DYNC2I1: variants seen among roughly 807,000 people sequenced by gnomAD.
The protein encoded by DYNC2I1 is dynein 2 intermediate chain 1, also known as cytoplasmic dynein 2 intermediate chain 1.
Under a neutral mutation model 133.4 loss-of-function variants are expected in DYNC2I1, and 89 were observed. The observed-to-expected ratio is 0.67, with a 90% CI of 0.56 to 0.80. The LOEUF (loss-of-function observed/expected upper bound fraction) is 0.80. Ranked by LOEUF, DYNC2I1 falls within the 30% of genes least tolerant of loss-of-function variation. The pLI is 0.00. For synonymous variants in DYNC2I1, 504 were observed against 484.3 expected (o/e 1.04, Z -0.54); for missense variants, 1,291 against 1,314.5 (o/e 0.98, Z 0.28).
At chr7:158,912,186 T>A (rs753246855) in intron 12 of DYNC2I1, among the ~76,000 whole-genome samples, 1 of 152,208 alleles carries the variant, frequency 6.6e-6, no homozygotes, top group Non-Finnish European at 1.5e-5. Context: ...TTTCTCCTAT[T>A]CCAGAGTTCC....
intron 3 of DYNC2I1, among the ~76,000 whole-genome samples, chr7:158,876,387 A>T (rs1214140928): frequency 6.6e-6 from 1 of 152,214 alleles, no homozygotes; most frequent in Non-Finnish European, 1.5e-5. Flanking sequence ...CACAGATCCA[A>T]ACCATATCAC....
At position 158,906,003 on chromosome 7, in the gene DYNC2I1, C is replaced by T; in HGVS notation, c.1372C>T (p.Pro458Ser). 1 of 1,613,688 alleles carries T rather than the reference C, an allele frequency of 6.2e-7. No homozygotes were observed. Among genetic ancestry groups the T allele is most frequent in the Non-Finnish European group, 8.5e-7 (1 of 1,179,736 alleles). The change falls in exon 11 of 25, where the codon CCT (proline) becomes TCT (serine). Residue 458 changes from proline (P) to serine (S), a missense_variant. By Grantham distance (74) the Pro-to-Ser change is moderately conservative. Coordinates refer to ENST00000407559, the MANE Select transcript of DYNC2I1 (RefSeq NM_018051.5). ...CCCTCACACAGATACAAACAGTTCC[C>T]CTTCCAGAGCCTCTGTTTGTGGAAT... is the stretch of plus-strand genomic sequence containing the variant. ...KEPRTDTNSS[P>S]SRASVCGIFV...
At chr7:158,891,516 C>G (rs185574566) in intron 8 of DYNC2I1, among the ~76,000 whole-genome samples, 183 bp downstream of exon 8, 1 of 152,252 alleles carries the variant, frequency 6.6e-6, no homozygotes, top group East Asian at 1.9e-4. Flanking sequence ...TGTTTGAAGT[C>G]CTCGGTCATG....
Position 158,918,868 on chromosome 7 carries a change from A to G in DYNC2I1, c.1920A>G (p.Gln640=). Residue 640 remains glutamine, a splice_region_variant and synonymous_variant, in exon 15 of 25, where the codon CAA becomes CAG. Transcript: ENST00000407559. ...SQLNTSLPFL[Q]NRKVSSLHTS... is the part of the protein sequence containing the mutation. ...TGAACACCAGTCTACCATTCCTTCA[A>G]AGTAAGAGGCTGTTCTCAAATATGA... 6.2e-7 allele frequency: 1 copy of G among 1,612,262 alleles called. No individual in the cohort carries two copies. The highest frequency in any genetic ancestry group is 1.1e-5 in the South Asian group (1 of 90,958).
At chr7:158,918,944 A>G in intron 15 of DYNC2I1, 75 bp downstream of exon 15, 1 of 1,446,986 alleles carries the variant, frequency 6.9e-7, no homozygotes, top group Non-Finnish European at 9.3e-7. Flanking sequence ...TCTGTAGTAT[A>G]ATATTTTATT....
chr7:158,905,038 A>G (rs973242200), intron 10 of DYNC2I1: 7 of 377,122 alleles, frequency 1.9e-5, no homozygotes, highest in African/African-American at 1.3e-4. Flanking sequence ...AGTATGTACA[A>G]GAAGCCACCG....
At chr7:158,935,538 G>T (rs545311061) in intron 23 of DYNC2I1, among the ~76,000 whole-genome samples, 2 of 152,274 alleles carry the variant, frequency 1.3e-5, no homozygotes, top group South Asian at 2.1e-4. Context: ...TACTCTTATA[G>T]TACTTAAAAC....
the DYNC2I1 span, among the ~76,000 whole-genome samples, chr7:158,840,816 C>T: frequency 4.4e-4 from 67 of 151,990 alleles, no homozygotes; most frequent in African/African-American, 1.5e-3. Flanking sequence ...TGCTCCAGGA[C>T]GACAAGAGCC....
At chr7:158,868,146 G>A (rs1362131681) in intron 1 of DYNC2I1, among the ~76,000 whole-genome samples, 1 of 152,158 alleles carries the variant, frequency 6.6e-6, no homozygotes, top group East Asian at 1.9e-4. Flanking sequence ...TTCGAGGAAG[G>A]GGAATCAGCT....
chr7:158,891,474 T>G (rs767642164), intron 8 of DYNC2I1, 141 bp downstream of exon 8: 89 of 919,178 alleles, frequency 9.7e-5, no homozygotes, highest in Non-Finnish European at 1.5e-4. Flanking sequence ...AAGGGACAGA[T>G]GAGATTTTCA....
upstream of DYNC2I1, among the ~76,000 whole-genome samples, chr7:158,854,473 G>A (rs1841121223): frequency 1.4e-5 from 2 of 144,408 alleles, no homozygotes. Flanking sequence ...GACACAGGGA[G>A]AGGAACATCA....
intron 8 of DYNC2I1, among the ~76,000 whole-genome samples, chr7:158,900,941 C>T (rs986513114): frequency 6.6e-6 from 1 of 151,914 alleles, no homozygotes; most frequent in South Asian, 2.1e-4. Context: ...TTAGACTTTC[C>T]ATCTCTCTGC....
chr7:158,878,425 G>A (rs112459085), intron 4 of DYNC2I1, among the ~76,000 whole-genome samples: 9,416 of 95,864 alleles, frequency 0.098, 982 homozygotes, highest in African/African-American at 0.12. Context: ...AGGGCCGACT[G>A]TGAGTGCCGG....
intron 5 of DYNC2I1, among the ~76,000 whole-genome samples, chr7:158,881,851 G>C (rs957680620): frequency 6.6e-6 from 1 of 152,218 alleles, no homozygotes; most frequent in African/African-American, 2.4e-5. Flanking sequence ...CAAAGTCGAC[G>C]TAATTTTCCA....
the DYNC2I1 span, among the ~76,000 whole-genome samples, chr7:158,848,662 C>T: frequency 2.3e-4 from 35 of 152,280 alleles, no homozygotes; most frequent in African/African-American, 6.5e-4. Flanking sequence ...CGGTGACTCA[C>T]GCCTGTAATC....
In DYNC2I1 at chr7:158,934,480, G is replaced by A. The variant is rs1227739478; in HGVS notation, c.2709G>A (p.Gln903=). The stretch of plus-strand genomic sequence containing the variant: ...TGGCTCCCAAACTATTCAAACCTCA[G>A]CAACATGGTATAAGACCAGTGAAAG... ...LRVAPKLFKP[Q]QHGIRPVKVN... The change falls in exon 23 of 25, where the codon CAG becomes CAA. Residue 903 remains glutamine (Q), a synonymous_variant. Transcript: ENST00000407559. 2 of 1,585,156 alleles carry A rather than the reference G, an allele frequency of 1.3e-6. No individual in the cohort carries two copies. Among genetic ancestry groups the A allele is most frequent in the Admixed American group, 1.8e-5 (1 of 55,332 alleles).
intron 6 of DYNC2I1, among the ~76,000 whole-genome samples, chr7:158,885,345 C>CT (rs758083057): frequency 0.12 from 17,048 of 141,812 alleles, 1,260 homozygotes; most frequent in African/African-American, 0.21. Flanking sequence ...TGTATAAACT[C>CT]TTTTTTTTTT....
chr7:158,901,684 A>G, intron 8 of DYNC2I1, 55 bp from the exon 9 acceptor site: 1 of 1,098,820 alleles, frequency 9.1e-7, no homozygotes, highest in Non-Finnish European at 1.3e-6. Flanking sequence ...ATCTATTTGC[A>G]ATATTCAATT....
chr7:158,903,699 C>T (rs1310515063), intron 10 of DYNC2I1: 1 of 152,208 alleles, frequency 6.6e-6, no homozygotes, highest in African/African-American at 2.4e-5. Context: ...CGTGGGGTAG[C>T]GCTGCACACA....
Sources: allele counts gnomAD v4.1 joint callset (sites outside exome capture counted in the v4.1 genomes callset), GRCh38; gene constraint gnomAD v4.1.1; transcripts MANE v1.5; gene names NCBI Gene and HGNC (gene_info 2026-07-23, HGNC 2026-07-21).